The following SPAG16 variants were observed in gnomAD, a reference collection of about 807,000 sequenced individuals.
SPAG16 encodes sperm-associated antigen 16 protein.
SPAG16 carries 86 observed loss-of-function variants against 80.4 expected under a neutral mutation model. The observed-to-expected ratio is 1.07, with a 90% CI of 0.90 to 1.28. The LOEUF is 1.28. Among genes scored for constraint, SPAG16 ranks in the 50% most tolerant of loss-of-function variants. The pLI, the probability that SPAG16 is intolerant of heterozygous loss-of-function variation, is 0.00. For missense variants in SPAG16, 870 were observed against 765.3 expected (o/e 1.14, Z -1.61); for synonymous variants, 294 against 265.9 (o/e 1.11, Z -1.03).
At chr2:214,183,423 A>G (rs2057366176) in intron 15 of SPAG16, among the ~76,000 whole-genome samples, 1 of 151,964 alleles carries the variant, frequency 6.6e-6, no homozygotes, top group Non-Finnish European at 1.5e-5. Context: ...AGGCTCAATG[A>G]CATCAGGGTG....
chr2:214,323,131 T>TTGA (rs1172675419), intron 15 of SPAG16, among the ~76,000 whole-genome samples: 1 of 152,146 alleles, frequency 6.6e-6, no homozygotes, highest in African/African-American at 2.4e-5. Context: ...AGGATGGCTG[T>TTGA]TGATATTGCG....
At chr2:214,105,512 A>G (rs1051420941) in intron 13 of SPAG16, among the ~76,000 whole-genome samples, 7 of 152,206 alleles carry the variant, frequency 4.6e-5, no homozygotes, top group African/African-American at 1.4e-4. Flanking sequence ...TCACACAGCT[A>G]TTAGGTGGCA....
intron 10 of SPAG16, among the ~76,000 whole-genome samples, chr2:213,600,428 T>G (rs908333576): frequency 3.3e-5 from 5 of 152,234 alleles, no homozygotes; most frequent in African/African-American, 1.2e-4. Context: ...TTTTGCCTCA[T>G]TGATATGAAG....
At chr2:213,421,370 C>G (rs2069575490) in intron 9 of SPAG16, among the ~76,000 whole-genome samples, 1 of 152,252 alleles carries the variant, frequency 6.6e-6, no homozygotes, top group Non-Finnish European at 1.5e-5. Flanking sequence ...CCAACAAACA[C>G]AAGAGAGAGG....
intron 10 of SPAG16, among the ~76,000 whole-genome samples, chr2:213,647,599 C>T (rs542715681): frequency 6.6e-6 from 1 of 152,150 alleles, no homozygotes; most frequent in East Asian, 1.9e-4. Context: ...ACCATCTCTG[C>T]TCGCCCATCT....
chr2:213,443,431 A>AT (rs1052169511), intron 9 of SPAG16, among the ~76,000 whole-genome samples: 11 of 152,274 alleles, frequency 7.2e-5, no homozygotes, highest in East Asian at 3.9e-4. Context: ...TGTCTGGCTT[A>AT]TTTCAGTTAG....
intron 10 of SPAG16, among the ~76,000 whole-genome samples, chr2:213,566,132 G>A (rs1419653940): frequency 1.3e-5 from 2 of 152,110 alleles, no homozygotes; most frequent in African/African-American, 2.4e-5. Flanking sequence ...GTATGGCAAA[G>A]TCAATGGGTT....
chr2:213,297,384 T>C, intron 3 of SPAG16, 27 bp downstream of exon 3: 1 of 1,383,652 alleles, frequency 7.2e-7, no homozygotes, highest in Non-Finnish European at 1.0e-6. Flanking sequence ...TAGTGTAGTC[T>C]ATAGTTTAGT....
chr2:213,286,197 T>C (rs1034890969), intron 1 of SPAG16, among the ~76,000 whole-genome samples: 4 of 152,220 alleles, frequency 2.6e-5, no homozygotes, highest in African/African-American at 9.6e-5. Flanking sequence ...CTTTAACACA[T>C]ATAAGCAACT....
At chr2:213,613,681 A>G (rs946013997) in intron 10 of SPAG16, among the ~76,000 whole-genome samples, 6 of 152,024 alleles carry the variant, frequency 3.9e-5, no homozygotes, top group Admixed American at 1.3e-4. Flanking sequence ...AGTTAGGTTT[A>G]TTGTTCTCTG....
intron 10 of SPAG16, among the ~76,000 whole-genome samples, chr2:213,672,547 T>C (rs940449063): frequency 8.5e-5 from 13 of 152,184 alleles, no homozygotes; most frequent in Non-Finnish European, 1.8e-4. Context: ...GTCATCTTAC[T>C]GACTGCCTAC....
rs1449042675 is a variant in SPAG16, at chr2:213,869,291, A to ATATGTG, written c.1214+6664_1214+6665insATGTGT. ...TATATATATATATATGTATATATATATGTATATATATATATAATATGTATA... is the reference window on the plus strand; with the variant it reads ...TATATATATATATATGTATATATATATATGTGTGTATATATATATATAATATGTATA... On this transcript the variant is annotated intron_variant, in intron 11 of 15. Coordinates refer to ENST00000331683, the MANE Select transcript of SPAG16 (RefSeq NM_024532.5). Among the ~76,000 whole-genome samples, 490 of 123,204 alleles carry ATATGTG rather than the reference A, an allele frequency of 4.0e-3. 10 individuals carry two copies. The highest frequency in any genetic ancestry group is 0.032 in the East Asian group (147 of 4,592). 80.8% of individuals were successfully genotyped at this position (123,204 alleles called of 152,430 possible).
intron 10 of SPAG16, among the ~76,000 whole-genome samples, chr2:213,740,090 A>T (rs954801937): frequency 3.3e-5 from 5 of 152,184 alleles, no homozygotes. Context: ...TCCTTTCCTT[A>T]GACTGAAAAA....
chr2:214,347,371 GA>G (rs1485919984), intron 15 of SPAG16, among the ~76,000 whole-genome samples: 1 of 151,002 alleles, frequency 6.6e-6, no homozygotes, highest in Admixed American at 6.6e-5. Flanking sequence ...GTAGAATTTG[GA>G]AAAAACATAA....
intron 12 of SPAG16, among the ~76,000 whole-genome samples, chr2:213,999,271 C>G (rs984880494): frequency 6.6e-6 from 1 of 152,198 alleles, no homozygotes; most frequent in Non-Finnish European, 1.5e-5. Context: ...ACTTTTTGCC[C>G]TGCATCCCAG....
At position 213,375,022 on chromosome 2, in the gene SPAG16, G is replaced by T; in HGVS notation, c.845G>T (p.Arg282Leu). 6.2e-7 allele frequency: 1 copy of T among 1,603,712 alleles called. No individual in the cohort carries two copies. The highest frequency in any genetic ancestry group is 8.5e-7 in the Non-Finnish European group (1 of 1,175,160). The stretch of plus-strand genomic sequence containing the variant: ...TATTATCTTGTAGTTGATCATAGTC[G>T]TGAAAAAGAAAATGCACCAGAAGGT... ...HGPQIKVDHS[R>L]EKENAPEGPT... Residue 282 changes from arginine (R) to leucine (L), a missense_variant, in exon 9 of 16, where the codon CGT (arginine) becomes CTT (leucine). By Grantham distance (102) the Arg-to-Leu change is moderately radical (BLOSUM62 -2). Transcript: ENST00000331683.
At position 213,578,325 on chromosome 2, in the gene SPAG16, G is replaced by A. The variant is rs574771976; in HGVS notation, c.1070+88235G>A. Among the ~76,000 whole-genome samples, 8 of 152,214 alleles carry A rather than the reference G, an allele frequency of 5.3e-5. No individual in the cohort carries two copies. The East Asian group carries it at 1.5e-3, about 29-fold the overall frequency. ...GCCAGTGAAAAGCAAACAACAATAA[G>A]TTGTTTAAAGTGTGAGAAAACTACT... is the stretch of plus-strand genomic sequence containing the variant. On this transcript the variant is annotated intron_variant, in intron 10 of 15. Coordinates refer to ENST00000331683, the MANE Select transcript of SPAG16 (RefSeq NM_024532.5).
chr2:214,311,195 C>T lies in SPAG16; in HGVS notation c.1721-98945C>T, dbSNP rs149862404. Among the ~76,000 whole-genome samples, 555 of 151,440 alleles carry T rather than the reference C, an allele frequency of 3.7e-3. 3 individuals carry two copies. The highest frequency in any genetic ancestry group is 5.9e-3 in the Non-Finnish European group (401 of 67,490). ...GAGCGCTTTGGCAGTCTGCATTCCCCCTCTCTCCCTCTCTCTAGGGTCAGC... is the reference window on the plus strand; with the variant it reads ...GAGCGCTTTGGCAGTCTGCATTCCCTCTCTCTCCCTCTCTCTAGGGTCAGC... On this transcript the variant is annotated intron_variant, in intron 15 of 15. Transcript: ENST00000331683.
chr2:213,941,175 G>C (rs541051989), intron 12 of SPAG16, among the ~76,000 whole-genome samples: 1 of 152,168 alleles, frequency 6.6e-6, no homozygotes, highest in Non-Finnish European at 1.5e-5. Flanking sequence ...TCCTTCCACT[G>C]TATGGTTTGG....
Sources: gnomAD v4.1 joint callset for allele counts (sites outside exome capture counted in the v4.1 genomes callset) on GRCh38, gnomAD v4.1.1 for gene constraint, MANE v1.5 for transcripts, NCBI Gene and HGNC (gene_info 2026-07-23, HGNC 2026-07-21) for gene names.